Variants in BTBD7 observed in about 807,000 individuals in gnomAD.
The protein encoded by BTBD7 is BTB domain containing 7, also known as BTB/POZ domain-containing protein 7.
BTBD7 carries 38 observed loss-of-function variants against 99.9 expected under a neutral mutation model. The observed-to-expected ratio is 0.38, with a 90% confidence interval of 0.29 to 0.50. The LOEUF is 0.50. Among genes scored for constraint, BTBD7 ranks in the 20% least tolerant of loss-of-function variants. The probability of loss-of-function intolerance (pLI) is 0.93; values close to 1 mark genes in which losing one functional copy is unlikely to be tolerated. For synonymous variants in BTBD7, 520 were observed against 511.4 expected, an observed-to-expected ratio of 1.02 and a Z score of -0.23; for missense variants, 1,170 against 1,394.6, an observed-to-expected ratio of 0.84 and a Z score of 2.57.
chr14:93,279,009 G>A (rs571544679), intron 3 of BTBD7, among the ~76,000 whole-genome samples: 1 of 152,182 alleles, frequency 6.6e-6, no homozygotes, highest in Non-Finnish European at 1.5e-5. Flanking sequence ...CTTTTAAAAA[G>A]AATTAGTAAT....
intron 1 of BTBD7, among the ~76,000 whole-genome samples, chr14:93,331,473 T>C (rs2053407909): frequency 6.6e-6 from 1 of 152,234 alleles, no homozygotes. Context: ...ACAGTTGCTA[T>C]TAACAACGTA....
intron 3 of BTBD7, among the ~76,000 whole-genome samples, chr14:93,289,851 CTTTTT>C (rs34820136): frequency 4.1e-5 from 4 of 98,458 alleles, no homozygotes; most frequent in Non-Finnish European, 8.0e-5. Flanking sequence ...ACTCTCTGGG[CTTTTT>C]TTTTTTTTTT....
chr14:93,303,173 C>G (rs1296121017), intron 1 of BTBD7, among the ~76,000 whole-genome samples: 1 of 152,168 alleles, frequency 6.6e-6, no homozygotes, highest in Non-Finnish European at 1.5e-5. Context: ...ATAAAAAGAT[C>G]TTGATGCAGA....
intron 4 of BTBD7, among the ~76,000 whole-genome samples, chr14:93,262,069 G>A (rs1414064887): frequency 6.6e-6 from 1 of 151,562 alleles, no homozygotes; most frequent in African/African-American, 2.4e-5. Flanking sequence ...GGGCTCAAGT[G>A]ATTCTCCCCG....
chr14:93,242,924 T>A lies in BTBD7; in HGVS notation c.2748A>T (p.Pro916=), dbSNP rs2052252467. 1 of 1,614,142 alleles carries A rather than the reference T, an allele frequency of 6.2e-7. No homozygotes were observed. The highest frequency in any genetic ancestry group is 1.3e-5 in the African/African-American group (1 of 75,018). Residue 916 remains proline (P), a synonymous_variant, in exon 11 of 11, where the codon CCA becomes CCT. Coordinates refer to ENST00000334746, the MANE Select transcript of BTBD7 (RefSeq NM_001002860.4). ...PGPPQHLSCI[P]QRHTHTSRKK... ...TCCGAGAAGTGTGTGTATGTCTCTGTGGAATACACGACAGATGCTGGGGAG... is the reference window on the plus strand; with the variant it reads ...TCCGAGAAGTGTGTGTATGTCTCTGAGGAATACACGACAGATGCTGGGGAG...
chr14:93,251,650 T>C lies in BTBD7; in HGVS notation c.1755A>G (p.Ser585=), dbSNP rs140008823. The change falls in exon 8 of 11, where the codon TCA becomes TCG. Residue 585 remains serine (S), a splice_region_variant and synonymous_variant. Transcript: ENST00000334746. ...GTTCCACCATCATCTCATCTAGCAC[T>C]GACTGAAATAATCATTCAGTATTAA... ...LFSPYVEEAK[S]VLDEMMVEQT... 4 of 1,578,602 alleles carry C rather than the reference T, an allele frequency of 2.5e-6. No individual in the cohort carries two copies. The African/African-American group carries it at 4.0e-5, about 16-fold the overall frequency.
chr14:93,307,447 C>A (rs559142173), intron 1 of BTBD7, among the ~76,000 whole-genome samples: 1 of 152,224 alleles, frequency 6.6e-6, no homozygotes, highest in African/African-American at 2.4e-5. Flanking sequence ...CGAGCCAGCA[C>A]ACCCAGACGT....
At chr14:93,290,384 T>C (rs1264273215) in intron 3 of BTBD7, among the ~76,000 whole-genome samples, 3 of 150,290 alleles carry the variant, frequency 2.0e-5, no homozygotes, top group Non-Finnish European at 4.4e-5. Context: ...AGCTAATTTA[T>C]TGTATTTTTA....
intron 3 of BTBD7, among the ~76,000 whole-genome samples, chr14:93,277,058 C>A (rs1429162688): frequency 6.6e-6 from 1 of 151,876 alleles, no homozygotes; most frequent in Non-Finnish European, 1.5e-5. Flanking sequence ...CGCACCACCA[C>A]ACCCAGAAAA....
intron 3 of BTBD7, among the ~76,000 whole-genome samples, chr14:93,276,060 T>G (rs528534332): frequency 4.0e-5 from 6 of 151,526 alleles, no homozygotes; most frequent in Non-Finnish European, 8.8e-5. Context: ...AAAAACAAAT[T>G]TAAAAATTAG....
In BTBD7 at chr14:93,296,135, C is replaced by T. The variant is rs2052923946; in HGVS notation, c.-84G>A. On this transcript the variant is annotated 5_prime_UTR_variant, in exon 2 of 11. The change creates a premature stop within an existing upstream ORF in the 5' untranslated region. Transcript: ENST00000334746. ...CTTTATGAACCTTCAACCCTGGATC[C>T]AGCAGCCTCTTTTCATCCATTTCTT... 1.1e-5 allele frequency: 15 copies of T among 1,409,034 alleles called. No homozygotes were observed. Among genetic ancestry groups the T allele is most frequent in the Non-Finnish European group, 1.4e-5 (15 of 1,073,298 alleles). The allele number at this position is 1,409,034 out of a possible 1,614,324, so 87.3% of individuals were successfully genotyped here. A position where few individuals can be genotyped will look rare whatever the true frequency, so the allele number is the denominator to read the frequency against.
intron 5 of BTBD7, among the ~76,000 whole-genome samples, chr14:93,260,319 T>C (rs1413305856): frequency 2.6e-5 from 4 of 152,234 alleles, no homozygotes; most frequent in African/African-American, 9.6e-5. Context: ...ATTTAATTTT[T>C]CAATTAAAAA....
At position 93,323,689 on chromosome 14, in the gene BTBD7, A is replaced by G. The variant is rs558125810; in HGVS notation, c.-107+9131T>C. Among the ~76,000 whole-genome samples, 3 of 152,346 alleles carry G rather than the reference A, an allele frequency of 2.0e-5. No homozygotes were observed. The South Asian group carries it at 6.2e-4, about 32-fold the overall frequency. On this transcript the variant is annotated intron_variant, in intron 1 of 10. Coordinates refer to ENST00000334746, the MANE Select transcript of BTBD7 (RefSeq NM_001002860.4). Reference sequence around the variant, plus strand: ...AGGACTACAGCCAGGAGACTGACATAGTTTTTATCTAAATGAAAATGTCTA... The same window carrying G: ...AGGACTACAGCCAGGAGACTGACATGGTTTTTATCTAAATGAAAATGTCTA...
chr14:93,303,395 G>A (rs1384131527), intron 1 of BTBD7, among the ~76,000 whole-genome samples: 1 of 151,620 alleles, frequency 6.6e-6, no homozygotes. Context: ...CTTGAGCTCA[G>A]GAGTTCGAGA....
At chr14:93,244,029 C>T (rs918423275) in intron 10 of BTBD7, 3 of 348,498 alleles carry the variant, frequency 8.6e-6, no homozygotes, top group African/African-American at 6.6e-5. Flanking sequence ...CTTCCTAAAA[C>T]CCATCGGACT....
At chr14:93,292,917 T>C (rs1034180501) in intron 3 of BTBD7, among the ~76,000 whole-genome samples, 9 of 152,342 alleles carry the variant, frequency 5.9e-5, no homozygotes, top group Admixed American at 3.3e-4. Flanking sequence ...TCAAGTTCAG[T>C]ACTTAGCTTT....
intron 5 of BTBD7, among the ~76,000 whole-genome samples, chr14:93,260,062 T>C (rs555202581): frequency 3.3e-5 from 5 of 152,120 alleles, no homozygotes; most frequent in South Asian, 2.1e-4. Context: ...AGAAAAAAAA[T>C]TGGAGAAATA....
Position 93,294,554 on chromosome 14 carries a change from G to C in BTBD7, c.466C>G (p.His156Asp). The change falls in exon 3 of 11, where the codon CAT (histidine) becomes GAT (aspartate). Residue 156 changes from histidine (H) to aspartate (D), a missense_variant. This residue lies in a region of BTBD7 where 359 missense variants were observed against 497.9 expected (regional missense o/e 0.72). Transcript: ENST00000334746. ...LIFQETCFPV[H>D]RAILAARCPF... ...CACCTTGCTGCCAAAATGGCACGATGAACAGGAAAACAAGTTTCTTGAAAT... is the reference window on the plus strand; with the variant it reads ...CACCTTGCTGCCAAAATGGCACGATCAACAGGAAAACAAGTTTCTTGAAAT... 6.2e-7 allele frequency: 1 copy of C among 1,613,846 alleles called. No homozygotes were observed. Among genetic ancestry groups the C allele is most frequent in the Non-Finnish European group, 8.5e-7 (1 of 1,179,904 alleles).
Position 93,246,210 on chromosome 14 carries a change from C to A in BTBD7, c.2198G>T (p.Cys733Phe). 6.2e-7 allele frequency: 1 copy of A among 1,605,638 alleles called. No homozygotes were observed. The highest frequency in any genetic ancestry group is 1.1e-5 in the South Asian group (1 of 89,704). Reference protein sequence around the residue: ...PLLTMRQPGRCRVNSTPPAET... With the variant: ...PLLTMRQPGRFRVNSTPPAET... ...TGCAGGAGGTGTACTGTTTACGCGA[C>A]ATCTCCCAGGCTGTCTCATTGTCAA... Residue 733 changes from cysteine to phenylalanine, a missense_variant, in exon 10 of 11, where the codon TGT becomes TTT. This residue lies in a region of BTBD7 where 495 missense variants were observed against 525.9 expected (regional missense o/e 0.94). Coordinates refer to ENST00000334746, the MANE Select transcript of BTBD7 (RefSeq NM_001002860.4).
Sources: gnomAD v4.1 joint callset for allele counts (sites outside exome capture counted in the v4.1 genomes callset) on GRCh38, gnomAD v4.1.1 for gene constraint, gnomAD v4.1.1 regional missense constraint, MANE v1.5 for transcripts, NCBI Gene and HGNC (gene_info 2026-07-23, HGNC 2026-07-21) for gene names.